The following CAMK4 variants were observed in gnomAD, a reference collection of about 807,000 sequenced individuals.
CAMK4 encodes calcium/calmodulin dependent protein kinase IV, also known as calcium/calmodulin-dependent protein kinase type IV.
In CAMK4, 22 loss-of-function variants were observed where a neutral mutation model predicts 44.9. The observed-to-expected ratio is 0.49, with a 90% CI of 0.35 to 0.70. CAMK4 has a LOEUF of 0.70. Among genes scored for constraint, CAMK4 ranks in the 30% least tolerant of loss-of-function variants. CAMK4 has a pLI of 0.01. For missense variants in CAMK4, 498 were observed against 586.8 expected (o/e 0.85, Z 1.56); for synonymous variants, 218 against 215.4 (o/e 1.01, Z -0.11).
chr5:111,441,822 C>G (rs1753832702), intron 5 of CAMK4, among the ~76,000 whole-genome samples: 1 of 152,118 alleles, frequency 6.6e-6, no homozygotes, highest in Admixed American at 6.6e-5. Flanking sequence ...ATATGTTTCT[C>G]CATGATTAGG....
At chr5:111,271,735 T>G (rs1426975700) in intron 1 of CAMK4, among the ~76,000 whole-genome samples, 1 of 152,226 alleles carries the variant, frequency 6.6e-6, no homozygotes, top group Non-Finnish European at 1.5e-5. Context: ...CATAGGCTTG[T>G]ACTTCATCTT....
Position 111,449,124 on chromosome 5 carries a change from A to G in CAMK4, c.551-5A>G, listed in dbSNP as rs2116824. 1,095,570 of 1,435,404 alleles carry G rather than the reference A, an allele frequency of 0.76. 424,499 individuals carry two copies. The highest frequency in any genetic ancestry group is 0.8 in the Non-Finnish European group (823,643 of 1,028,946). The allele number at this position is 1,435,404 out of a possible 1,614,324, so 88.9% of individuals were successfully genotyped here. ...CTTCATTAAATTTTTTTCTTGTGTT[A>G]TTAGCTGATTTTGGACTCTCTAAAA... is the stretch of plus-strand genomic sequence containing the variant. On this transcript the variant is annotated splice_polypyrimidine_tract_variant and splice_region_variant and intron_variant, in intron 6 of 10. Transcript: ENST00000282356.
At chr5:111,410,410 G>C (rs967105434) in intron 5 of CAMK4, among the ~76,000 whole-genome samples, 1 of 152,114 alleles carries the variant, frequency 6.6e-6, no homozygotes, top group African/African-American at 2.4e-5. Context: ...TCTCCACCTA[G>C]TCCCACCCCT....
intron 1 of CAMK4, among the ~76,000 whole-genome samples, chr5:111,235,468 C>T (rs565807439): frequency 6.6e-6 from 1 of 152,212 alleles, no homozygotes; most frequent in East Asian, 1.9e-4. Context: ...CCTGAGGGAC[C>T]CTGGGCTCTT....
intron 1 of CAMK4, among the ~76,000 whole-genome samples, chr5:111,333,686 C>T (rs1230749558): frequency 6.6e-6 from 1 of 151,574 alleles, no homozygotes; most frequent in Non-Finnish European, 1.5e-5. Context: ...TCCAAAGTCA[C>T]AACTGGATGC....
intron 2 of CAMK4, among the ~76,000 whole-genome samples, chr5:111,347,714 A>G (rs1169604271): frequency 6.6e-6 from 1 of 151,980 alleles, no homozygotes; most frequent in Non-Finnish European, 1.5e-5. Flanking sequence ...CTCTTGGATT[A>G]GGGACCCACC....
At chr5:111,454,515 G>A (rs1244000503) in intron 7 of CAMK4, among the ~76,000 whole-genome samples, 1 of 151,810 alleles carries the variant, frequency 6.6e-6, no homozygotes, top group Non-Finnish European at 1.5e-5. Flanking sequence ...CCAAACTCCA[G>A]GCCAGAAAAT....
intron 5 of CAMK4, among the ~76,000 whole-genome samples, chr5:111,441,887 G>A (rs985397804): frequency 2.6e-5 from 4 of 152,040 alleles, no homozygotes; most frequent in African/African-American, 4.8e-5. Context: ...AAATATCTTT[G>A]CACATTTTCC....
chr5:111,417,103 C>G (rs191447466), intron 5 of CAMK4, among the ~76,000 whole-genome samples: 2 of 152,274 alleles, frequency 1.3e-5, no homozygotes, highest in Non-Finnish European at 2.9e-5. Flanking sequence ...ACTCTGTCAC[C>G]AAGGCTGGAG....
rs887720809 is a variant in CAMK4 at position 111,485,249 on chromosome 5, G to A, written c.*783G>A. On this transcript the variant is annotated 3_prime_UTR_variant, in exon 11 of 11. Coordinates refer to ENST00000282356, the MANE Select transcript of CAMK4 (RefSeq NM_001744.6). ...CAAAGCTTAGGGTGTAATAAACAGGGAAGAAAAGAAGGTAAGACTGTACTT... is the reference window on the plus strand; with the variant it reads ...CAAAGCTTAGGGTGTAATAAACAGGAAAGAAAAGAAGGTAAGACTGTACTT... 2 of 152,128 alleles carry A rather than the reference G, an allele frequency of 1.3e-5. No homozygotes were observed. Among genetic ancestry groups the A allele is most frequent in the Admixed American group, 6.5e-5 (1 of 15,274 alleles). The allele number at this position is 152,128 out of a possible 1,614,324, so 9.4% of individuals were successfully genotyped here. A position where few individuals can be genotyped will look rare whatever the true frequency, so the allele number is the denominator to read the frequency against.
At chr5:111,404,273 C>G (rs1219959425) in intron 5 of CAMK4, among the ~76,000 whole-genome samples, 1 of 152,158 alleles carries the variant, frequency 6.6e-6, no homozygotes, top group East Asian at 1.9e-4. Context: ...TATAATTGGG[C>G]CCTAAATGCC....
At chr5:111,374,369 G>A (rs2112821850) in intron 2 of CAMK4, among the ~76,000 whole-genome samples, 1 of 152,218 alleles carries the variant, frequency 6.6e-6, no homozygotes, top group Admixed American at 6.5e-5. Context: ...TGACTGGGAT[G>A]ACTTGGGTCT....
intron 1 of CAMK4, among the ~76,000 whole-genome samples, chr5:111,321,286 A>T (rs986474098): frequency 6.6e-6 from 1 of 152,164 alleles, no homozygotes; most frequent in Non-Finnish European, 1.5e-5. Context: ...GTGTTGCTGT[A>T]TTCAAGAGAA....
intron 5 of CAMK4, among the ~76,000 whole-genome samples, chr5:111,445,954 A>G (rs905330975): frequency 2.4e-4 from 36 of 152,190 alleles, no homozygotes; most frequent in Admixed American, 2.6e-4. Flanking sequence ...CTGGAACTGG[A>G]TCTGGGGGAA....
At chr5:111,332,614 T>C (rs977154064) in intron 1 of CAMK4, among the ~76,000 whole-genome samples, 1 of 151,562 alleles carries the variant, frequency 6.6e-6, no homozygotes, top group Non-Finnish European at 1.5e-5. Context: ...ATGAAATAAC[T>C]TTTCTAGTAC....
intron 5 of CAMK4, among the ~76,000 whole-genome samples, chr5:111,398,965 T>G (rs979222346): frequency 6.6e-6 from 1 of 152,152 alleles, no homozygotes; most frequent in African/African-American, 2.4e-5. Flanking sequence ...AATCTCTCAC[T>G]CAGACTGCTA....
chr5:111,482,754 T>C lies in CAMK4; in HGVS notation c.829-31T>C, dbSNP rs1438935513. 6.3e-7 allele frequency: 1 copy of C among 1,581,818 alleles called. No homozygotes were observed. Among genetic ancestry groups the C allele is most frequent in the Admixed American group, 1.9e-5 (1 of 53,784 alleles). ...GCAAGCCCAGGTCATCCTAAAAACC[T>C]CGCTAAGTTTATGGTTCTTTATTAT... On this transcript the variant is annotated intron_variant, in intron 9 of 10. Transcript: ENST00000282356. The surrounding 1 kb of genome is among the most constrained non-coding windows in gnomAD (Gnocchi z 4.9).
chr5:111,432,831 C>T (rs1257330503), intron 5 of CAMK4, among the ~76,000 whole-genome samples: 1 of 151,842 alleles, frequency 6.6e-6, no homozygotes, highest in African/African-American at 2.4e-5. Context: ...TCATTCACTC[C>T]TTTCATATAT....
chr5:111,374,909 C>G lies in CAMK4; in HGVS notation c.300C>G (p.Asn100Lys), dbSNP rs763567462. 1 of 1,607,080 alleles carries G rather than the reference C, an allele frequency of 6.2e-7. No individual in the cohort carries two copies. Among genetic ancestry groups the G allele is most frequent in the Non-Finnish European group, 8.5e-7 (1 of 1,174,238 alleles). ...IGVLLRLSHP[N>K]IIKLKEIFET... is the part of the protein sequence containing the mutation. ...TTCTTCTTCGCCTCTCACATCCAAA[C>G]ATTGTAAGTGGTTTTTAACCTACTA... The change falls in exon 3 of 11, where the codon AAC (asparagine) becomes AAG (lysine). Residue 100 changes from asparagine (N) to lysine (K), a missense_variant. Asn to Lys is a moderately conservative substitution (Grantham distance 94). Coordinates refer to ENST00000282356, the MANE Select transcript of CAMK4 (RefSeq NM_001744.6).
Sources: gnomAD v4.1 joint callset for allele counts (sites outside exome capture counted in the v4.1 genomes callset) on GRCh38, gnomAD v4.1.1 for gene constraint, Gnocchi (gnomAD v3.1) non-coding constraint, MANE v1.5 for transcripts, NCBI Gene and HGNC (gene_info 2026-07-23, HGNC 2026-07-21) for gene names.